The following AK5 variants were observed in gnomAD, a reference collection of about 807,000 sequenced individuals.
AK5 encodes the protein adenylate kinase 5.
Under a neutral mutation model 69.5 loss-of-function variants are expected in AK5, and 27 were observed. The observed-to-expected ratio is 0.39, with a 90% CI of 0.29 to 0.54. AK5 has a LOEUF of 0.54. AK5 is among the 20% of genes least tolerant of loss of function. The pLI, the probability that AK5 is intolerant of heterozygous loss-of-function variation, is 0.71. For missense variants in AK5, 531 were observed against 700.4 expected (o/e 0.76, Z 2.73); for synonymous variants, 260 against 244.4 (o/e 1.06, Z -0.60).
chr1:77,489,294 A>G lies in AK5; in HGVS notation c.1147+2942A>G, dbSNP rs201814623. 3.3e-5 allele frequency among the ~76,000 whole-genome samples: 5 copies of G among 152,244 alleles called. No individual in the cohort carries two copies. The East Asian group carries it at 7.7e-4, about 24-fold the overall frequency. ...CTTCTATCTAACAAAACTCTCCTGT[A>G]TTTCAATTTACTGATCAGTCACTCT... On this transcript the variant is annotated intron_variant, in intron 10 of 13. Coordinates refer to ENST00000354567, the MANE Select transcript of AK5 (RefSeq NM_174858.3).
chr1:77,542,254 C>T (rs1659317064), intron 13 of AK5, among the ~76,000 whole-genome samples: 1 of 151,940 alleles, frequency 6.6e-6, no homozygotes. Flanking sequence ...ACCTGGGAGG[C>T]GGAGGTTGCG....
intron 10 of AK5, among the ~76,000 whole-genome samples, chr1:77,494,418 C>T (rs527941223): frequency 6.6e-6 from 1 of 152,276 alleles, no homozygotes; most frequent in African/African-American, 2.4e-5. Context: ...GCAGATGCTG[C>T]AGGATCTAGC....
intron 8 of AK5, among the ~76,000 whole-genome samples, chr1:77,456,894 C>A (rs1653518554): frequency 2.0e-5 from 3 of 149,678 alleles, no homozygotes; most frequent in African/African-American, 7.4e-5. Flanking sequence ...CTTCACTTTT[C>A]TGGAGCACAT....
intron 8 of AK5, among the ~76,000 whole-genome samples, chr1:77,461,102 C>T (rs7532905): frequency 0.045 from 6,690 of 147,932 alleles, 375 homozygotes; most frequent in East Asian, 0.19. Context: ...GGTGCTATCT[C>T]GGCTCACTGC....
In AK5 at chr1:77,507,100, A is replaced by G. The variant is rs531545654; in HGVS notation, c.1148-11464A>G. Among the ~76,000 whole-genome samples, 3 of 152,358 alleles carry G rather than the reference A, an allele frequency of 2.0e-5. No homozygotes were observed. The East Asian group carries it at 5.8e-4, about 29-fold the overall frequency. Reference sequence around the variant, plus strand: ...CCATAGTTAGATTTGAATTTTAGATAAACAGTGACATGGCCTTTAGTCTAA... The same window carrying G: ...CCATAGTTAGATTTGAATTTTAGATGAACAGTGACATGGCCTTTAGTCTAA... On this transcript the variant is annotated intron_variant, in intron 10 of 13. Transcript: ENST00000354567.
At chr1:77,445,379 G>A (rs1211634768) in intron 8 of AK5, among the ~76,000 whole-genome samples, 1 of 151,986 alleles carries the variant, frequency 6.6e-6, no homozygotes, top group Non-Finnish European at 1.5e-5. Context: ...TCATTATTAG[G>A]GATGTTGAGT....
At chr1:77,512,130 A>G (rs1014345754) in intron 10 of AK5, among the ~76,000 whole-genome samples, 5 of 152,230 alleles carry the variant, frequency 3.3e-5, no homozygotes, top group Non-Finnish European at 1.5e-5. Flanking sequence ...AATTAAACCC[A>G]GACAATACTG....
intron 8 of AK5, among the ~76,000 whole-genome samples, chr1:77,469,776 T>C (rs1340443097): frequency 6.6e-6 from 1 of 152,244 alleles, no homozygotes; most frequent in Non-Finnish European, 1.5e-5. Flanking sequence ...TGCAGGATAC[T>C]TGAAGCATAG....
At chr1:77,356,224 G>A (rs867278469) in intron 6 of AK5, among the ~76,000 whole-genome samples, 21 of 152,190 alleles carry the variant, frequency 1.4e-4, no homozygotes, top group African/African-American at 3.1e-4. Flanking sequence ...TGAAACAAAA[G>A]CTCTATAAGA....
At chr1:77,541,815 C>T (rs938793150) in intron 13 of AK5, among the ~76,000 whole-genome samples, 1 of 152,164 alleles carries the variant, frequency 6.6e-6, no homozygotes, top group Non-Finnish European at 1.5e-5. Flanking sequence ...CACATTACCA[C>T]GGCACTCTGA....
chr1:77,421,543 G>C (rs998466345), intron 8 of AK5, among the ~76,000 whole-genome samples: 2 of 152,308 alleles, frequency 1.3e-5, no homozygotes, highest in South Asian at 4.1e-4. Context: ...AGATGCACCT[G>C]CATTTAATTG....
At chr1:77,415,231 T>C (rs528733091) in intron 7 of AK5, among the ~76,000 whole-genome samples, 1 of 152,332 alleles carries the variant, frequency 6.6e-6, no homozygotes, top group South Asian at 2.1e-4. Flanking sequence ...TCTTGCTCCG[T>C]TTTCAAGTAT....
chr1:77,458,103 T>TAAA (rs35612924), intron 8 of AK5, among the ~76,000 whole-genome samples: 8 of 127,656 alleles, frequency 6.3e-5, no homozygotes, highest in African/African-American at 1.2e-4. Context: ...CCCCATTTCT[T>TAAA]AAAAAAAAAA....
At chr1:77,420,640 A>G (rs1321888927) in intron 8 of AK5, among the ~76,000 whole-genome samples, 1 of 152,248 alleles carries the variant, frequency 6.6e-6, no homozygotes, top group Non-Finnish European at 1.5e-5. Context: ...TCCCAAGACC[A>G]TAAAGCTAGC....
intron 6 of AK5, among the ~76,000 whole-genome samples, chr1:77,395,011 A>G (rs987609548): frequency 6.6e-6 from 1 of 151,710 alleles, no homozygotes; most frequent in Non-Finnish European, 1.5e-5. Context: ...AAAAGTGAAT[A>G]TGAGGGCCCT....
chr1:77,458,288 C>T (rs1653622775), intron 8 of AK5, among the ~76,000 whole-genome samples: 1 of 151,988 alleles, frequency 6.6e-6, no homozygotes, highest in South Asian at 2.1e-4. Flanking sequence ...TCTATTGTCC[C>T]CTCTCTTCCT....
At chr1:77,506,730 G>T (rs1209704287) in intron 10 of AK5, among the ~76,000 whole-genome samples, 1 of 152,146 alleles carries the variant, frequency 6.6e-6, no homozygotes, top group Non-Finnish European at 1.5e-5. Context: ...CGGGCACGGT[G>T]GCTCACACCT....
rs549237792 is a variant in AK5 at position 77,472,783 on chromosome 1, A to G, written c.1060-10534A>G. On this transcript the variant is annotated intron_variant, in intron 8 of 13. Transcript: ENST00000354567. ...CACACACCTGTGGTCCCAGCTACTG[A>G]TGAGGCAATTCTTCTGGAGGCTCTA... Among the ~76,000 whole-genome samples, 230 of 150,602 alleles carry G rather than the reference A, an allele frequency of 1.5e-3. 9 individuals are homozygous for G. Among genetic ancestry groups the G allele is most frequent in the South Asian group, 4.5e-3 (21 of 4,638 alleles).
chr1:77,519,356 G>A (rs1238165211), intron 11 of AK5, among the ~76,000 whole-genome samples: 2 of 152,056 alleles, frequency 1.3e-5, no homozygotes, highest in Non-Finnish European at 2.9e-5. Context: ...TTCCCACCTG[G>A]AAGCCAGAAT....
Sources: gnomAD v4.1 joint callset for allele counts (sites outside exome capture counted in the v4.1 genomes callset) on GRCh38, gnomAD v4.1.1 for gene constraint, MANE v1.5 for transcripts, NCBI Gene and HGNC (gene_info 2026-07-23, HGNC 2026-07-21) for gene names.